The following PPM1A variants were observed in gnomAD, a reference collection of about 807,000 sequenced individuals.
PPM1A encodes protein phosphatase, Mg2+/Mn2+ dependent 1A, also known as protein phosphatase 1A.
A neutral mutation model predicts 35.0 loss-of-function variants in PPM1A; 7 were observed. The observed-to-expected ratio is 0.20, with a 90% confidence interval of 0.11 to 0.38. PPM1A has a LOEUF of 0.38. Ranked by LOEUF, PPM1A falls within the 10% of genes least tolerant of loss-of-function variation. PPM1A has a pLI of 1.00. For synonymous variants in PPM1A, 153 were observed against 167.3 expected (o/e 0.91, Z 0.66); for missense variants, 239 against 467.8 (o/e 0.51, Z 4.51).
At chr14:60,246,480 A>G (rs1294509685), upstream of PPM1A, among the ~76,000 whole-genome samples, 1 of 152,214 alleles carries the variant, frequency 6.6e-6, no homozygotes, top group Non-Finnish European at 1.5e-5. Flanking sequence ...AGAGCAGGAT[A>G]GTTTTATAAT....
intron 1 of PPM1A, chr14:60,276,988 C>G (rs1885839982): frequency 1.9e-6 from 2 of 1,061,970 alleles, no homozygotes; most frequent in Non-Finnish European, 2.4e-6. Context: ...TTAATTCAGT[C>G]TTGTTTTTTG....
chr14:60,268,666 T>A (rs1884694209), intron 1 of PPM1A, among the ~76,000 whole-genome samples: 1 of 148,646 alleles, frequency 6.7e-6, no homozygotes, highest in Admixed American at 6.7e-5. Flanking sequence ...TAAGTGTGAA[T>A]TTTTTTTTTT....
Position 60,280,018 on chromosome 14 carries a change from T to C in PPM1A, c.-20-2666T>C, listed in dbSNP as rs573748735. Among the ~76,000 whole-genome samples the C allele has an allele frequency of 1.4e-4, 22 of 152,358 alleles. No homozygotes were observed. The East Asian group carries it at 3.5e-3, about 24-fold the overall frequency. On this transcript the variant is annotated intron_variant, in intron 1 of 5. Coordinates refer to ENST00000395076, the MANE Select transcript of PPM1A (RefSeq NM_021003.5). ...AGTGCCTTCTTATATACTTTTTTTT[T>C]TGAGACGGAGTCTCGCTCTATCGCC...
At chr14:60,286,318 C>T in intron 3 of PPM1A, 4 of 985,698 alleles carry the variant, frequency 4.1e-6, no homozygotes, top group Non-Finnish European at 4.8e-6. Context: ...AATATTTCTC[C>T]ACCTGGCAGA....
At chr14:60,286,518 AG>A in intron 3 of PPM1A, 1 of 985,290 alleles carries the variant, frequency 1.0e-6, no homozygotes, top group Non-Finnish European at 1.2e-6. Context: ...GAGCTGAGGT[AG>A]AAAAAAAACA....
intron 3 of PPM1A, chr14:60,287,437 C>T: frequency 1.0e-6 from 1 of 984,054 alleles, no homozygotes; most frequent in Non-Finnish European, 1.2e-6. Flanking sequence ...ATAAATATTA[C>T]ATTAAAATTG....
intron 1 of PPM1A, among the ~76,000 whole-genome samples, chr14:60,250,883 T>C (rs533769420): frequency 3.3e-5 from 5 of 152,224 alleles, no homozygotes; most frequent in Non-Finnish European, 7.3e-5. Context: ...CCAACTCTCT[T>C]TGAAACACTT....
chr14:60,285,030 G>C (rs1420131879), intron 2 of PPM1A, among the ~76,000 whole-genome samples: 1 of 152,010 alleles, frequency 6.6e-6, no homozygotes, highest in Non-Finnish European at 1.5e-5. Flanking sequence ...CTTTAAAAAT[G>C]AATGTAGTTC....
rs537901136 is a variant in PPM1A, at chr14:60,249,223, A to AGGC, written c.-460_-458dup. 2.8e-3 allele frequency: 2,747 copies of AGGC among 986,598 alleles called. 6 individuals are homozygous for AGGC. The highest frequency in any genetic ancestry group is 3.0e-3 in the Non-Finnish European group (2,535 of 831,500). 61.1% of individuals were successfully genotyped at this position (986,598 alleles called of 1,614,324 possible). A position where few individuals can be genotyped will look rare whatever the true frequency, so the allele number is the denominator to read the frequency against. On this transcript the variant is annotated 5_prime_UTR_variant, in exon 1 of 6. Coordinates refer to ENST00000395076, the MANE Select transcript of PPM1A (RefSeq NM_021003.5). This position sits in a 1 kb window ranked among gnomAD's most constrained non-coding sequence, Gnocchi z 4.5. ...GCGCGCCTGCGCGGGGCCGCGCTAG[A>AGGC]GGCGGCGGCGGCGGCGGTGGCGGCG... is the stretch of plus-strand genomic sequence containing the variant.
intron 1 of PPM1A, among the ~76,000 whole-genome samples, chr14:60,250,080 G>GC (rs912061588): frequency 6.6e-5 from 10 of 151,854 alleles, no homozygotes; most frequent in Middle Eastern, 3.5e-3. Context: ...GCTCGGGCGC[G>GC]CCGCCCCGGC....
chr14:60,251,613 AT>A lies in PPM1A; in HGVS notation c.-21+1945del, dbSNP rs532000496. Among the ~76,000 whole-genome samples the A allele has an allele frequency of 2.4e-3, 371 of 152,032 alleles. 2 individuals are homozygous for A. Among genetic ancestry groups the A allele is most frequent in the African/African-American group, 7.9e-3 (329 of 41,460 alleles). ...TACTGTCCAGTTACTACATTTAAAA[AT>A]TTTTTTTTATCAATATTGTGTGTCT... On this transcript the variant is annotated intron_variant, in intron 1 of 5. Transcript: ENST00000395076.
chr14:60,277,717 A>G (rs566481964), intron 1 of PPM1A, among the ~76,000 whole-genome samples: 90 of 152,324 alleles, frequency 5.9e-4, no homozygotes, highest in African/African-American at 2.0e-3. Context: ...TGTAGGAGTT[A>G]GTAATTAAAC....
chr14:60,292,546 G>A lies in PPM1A; in HGVS notation c.*64G>A. The stretch of plus-strand genomic sequence containing the variant: ...AAGGAGAGTACAGCTCAACTTTGTT[G>A]AAACTTTTAACATCCATCCTCAACT... On this transcript the variant is annotated 3_prime_UTR_variant, in exon 6 of 6. Transcript: ENST00000395076. This position sits in a 1 kb window ranked among gnomAD's most constrained non-coding sequence, Gnocchi z 4.2. 6.9e-7 allele frequency: 1 copy of A among 1,441,834 alleles called. No individual in the cohort carries two copies. Among genetic ancestry groups the A allele is most frequent in the South Asian group, 1.2e-5 (1 of 83,506 alleles). The allele number at this position is 1,441,834 out of a possible 1,614,324, so 89.3% of individuals were successfully genotyped here. A position where few individuals can be genotyped will look rare whatever the true frequency, so the allele number is the denominator to read the frequency against.
At chr14:60,277,939 A>G (rs1885940395) in intron 1 of PPM1A, among the ~76,000 whole-genome samples, 1 of 152,206 alleles carries the variant, frequency 6.6e-6, no homozygotes, top group African/African-American at 2.4e-5. Flanking sequence ...ATCCTAGTTA[A>G]GGGAATTGAG....
chr14:60,288,130 A>G, intron 3 of PPM1A: 1 of 985,042 alleles, frequency 1.0e-6, no homozygotes, highest in Non-Finnish European at 1.2e-6. Context: ...AGGTAGTTTA[A>G]ATGCGTTGTC....
intron 1 of PPM1A, among the ~76,000 whole-genome samples, chr14:60,276,779 A>G (rs1480069400): frequency 6.6e-6 from 1 of 152,236 alleles, no homozygotes; most frequent in Non-Finnish European, 1.5e-5. Context: ...TTTAAAAATT[A>G]TTCACTATAA....
chr14:60,261,891 C>A, intron 1 of PPM1A, among the ~76,000 whole-genome samples: 1 of 152,132 alleles, frequency 6.6e-6, no homozygotes, highest in Non-Finnish European at 1.5e-5. Context: ...CAATAAAGTC[C>A]TATAGTAAGC....
upstream of PPM1A, chr14:60,245,837 T>C (rs372877033): frequency 2.4e-3 from 3,742 of 1,571,548 alleles, 3 homozygotes; most frequent in Non-Finnish European, 2.7e-3. The surrounding 1 kb of genome is among the most constrained non-coding windows in gnomAD (Gnocchi z 4.2). Context: ...TTAGGGGCAC[T>C]GTCTGCTCGC....
chr14:60,262,987 G>T (rs560765284), intron 1 of PPM1A, among the ~76,000 whole-genome samples: 2 of 152,274 alleles, frequency 1.3e-5, no homozygotes, highest in African/African-American at 4.8e-5. Flanking sequence ...AGCACTTTGG[G>T]AGGCTTAGGT....
Sources: allele counts gnomAD v4.1 joint callset (sites outside exome capture counted in the v4.1 genomes callset), GRCh38; gene constraint gnomAD v4.1.1; non-coding constraint Gnocchi (gnomAD v3.1); transcripts MANE v1.5; gene names NCBI Gene and HGNC (gene_info 2026-07-23, HGNC 2026-07-21).